POLR1B: variants seen among roughly 807,000 people sequenced by gnomAD.
The protein encoded by POLR1B is RNA polymerase I subunit B, also known as DNA-directed RNA polymerase I subunit RPA2.
POLR1B carries 30 observed loss-of-function variants against 105.8 expected under a neutral mutation model. The ratio of observed to expected loss-of-function variants is 0.28; its 90% CI spans 0.21 to 0.38. POLR1B has a LOEUF of 0.38. Ranked by LOEUF, POLR1B falls within the 10% of genes least tolerant of loss-of-function variation. The pLI is 1.00. For missense variants in POLR1B, 976 were observed against 1,435.8 expected (o/e 0.68, Z 5.17); for synonymous variants, 485 against 505.1 (o/e 0.96, Z 0.53).
At chr2:112,548,703 C>T (rs988049222) in intron 3 of POLR1B, among the ~76,000 whole-genome samples, 1 of 151,984 alleles carries the variant, frequency 6.6e-6, no homozygotes, top group Non-Finnish European at 1.5e-5. Context: ...AGCTCCGCCT[C>T]CTGGGTTCAA....
At chr2:112,574,771 A>T (rs1436941873) in intron 14 of POLR1B, 76 bp from the exon 15 acceptor site, 1 of 1,237,858 alleles carries the variant, frequency 8.1e-7, no homozygotes, top group East Asian at 2.4e-5. Context: ...TTTATGAAGC[A>T]CTAATTATAT....
At chr2:112,549,186 A>G (rs1226665038) in intron 3 of POLR1B, 81 bp from the exon 4 acceptor site, 3 of 1,478,488 alleles carry the variant, frequency 2.0e-6, no homozygotes, top group Non-Finnish European at 2.8e-6. Flanking sequence ...GTGTTGTACT[A>G]CCTTTGGCTA....
rs367763541 is a variant in POLR1B at position 112,578,947 on chromosome 2, C to G, written c.*3218C>G. Among the ~76,000 whole-genome samples the G allele has an allele frequency of 1.3e-5, 2 of 152,068 alleles. No individual in the cohort carries two copies. The highest frequency in any genetic ancestry group is 3.8e-4 in the East Asian group (2 of 5,204). On this transcript the variant is annotated 3_prime_UTR_variant, in exon 15 of 15. Transcript: ENST00000263331. The stretch of plus-strand genomic sequence containing the variant: ...AACTGGCTGGGTGCGGTGGTGCACA[C>G]CTGTAATCCCAGGACTTTGGCAGGC...
Position 112,573,547 on chromosome 2 carries a change from T to C in POLR1B, c.2272-15T>C. On this transcript the variant is annotated splice_polypyrimidine_tract_variant and intron_variant, in intron 13 of 14. Coordinates refer to ENST00000263331, the MANE Select transcript of POLR1B (RefSeq NM_019014.6). ...CAATTGGCCTCAGTCTTTTAACGATTCTTTTACTTCACAGATTGTGAATAA... is the reference window on the plus strand; with the variant it reads ...CAATTGGCCTCAGTCTTTTAACGATCCTTTTACTTCACAGATTGTGAATAA... 4.4e-6 allele frequency: 7 copies of C among 1,603,860 alleles called. No individual in the cohort carries two copies. Among genetic ancestry groups the C allele is most frequent in the Non-Finnish European group, 6.0e-6 (7 of 1,175,168 alleles).
At chr2:112,545,730 T>C in intron 1 of POLR1B, 1 of 231,016 alleles carries the variant, frequency 4.3e-6, no homozygotes, top group Non-Finnish European at 8.9e-6. Flanking sequence ...GCCTCGACCT[T>C]CCAGGATCAA....
chr2:112,560,786 G>A (rs563388897), intron 9 of POLR1B, among the ~76,000 whole-genome samples: 10 of 152,196 alleles, frequency 6.6e-5, no homozygotes, highest in Non-Finnish European at 1.5e-4. Context: ...GCCGGGCGTG[G>A]TGGCCCATGC....
chr2:112,568,983 C>A, intron 12 of POLR1B, 81 bp downstream of exon 12: 1 of 1,377,068 alleles, frequency 7.3e-7, no homozygotes, highest in Non-Finnish European at 9.8e-7. Context: ...TCCTTATTTA[C>A]ATATGCTGAC....
intron 12 of POLR1B, among the ~76,000 whole-genome samples, chr2:112,572,211 G>A (rs779945373): frequency 1.3e-4 from 20 of 152,114 alleles, no homozygotes; most frequent in African/African-American, 4.1e-4. Flanking sequence ...TGTAATTTGC[G>A]TACTTCCTTT....
chr2:112,552,583 G>C, intron 6 of POLR1B, 62 bp from the exon 7 acceptor site: 10 of 1,409,294 alleles, frequency 7.1e-6, no homozygotes, highest in Non-Finnish European at 9.5e-6. Flanking sequence ...TTGGTTAATA[G>C]AATATTAAGT....
intron 12 of POLR1B, among the ~76,000 whole-genome samples, chr2:112,570,979 C>T (rs1684559647): frequency 6.6e-6 from 1 of 152,040 alleles, no homozygotes; most frequent in South Asian, 2.1e-4. Context: ...AGGGTTTTAT[C>T]ATGTTGGCCA....
chr2:112,573,624 C>T lies in POLR1B; in HGVS notation c.2334C>T (p.Phe778=), dbSNP rs1684703617. The T allele has an allele frequency of 2.5e-6, 4 of 1,614,184 alleles. No individual in the cohort carries two copies. In the East Asian group the frequency reaches 8.9e-5, roughly 36 times the overall value. The change falls in exon 14 of 15, where the codon TTC becomes TTT. Residue 778 remains phenylalanine, a synonymous_variant. Coordinates refer to ENST00000263331, the MANE Select transcript of POLR1B (RefSeq NM_019014.6). ...ATGGAAGTGTCTACAAGTCTGAGTT[C>T]ATAGACCTCTCTGAAAAAATTAAAC... ...FAHGSVYKSE[F]IDLSEKIKQG...
At chr2:112,570,465 C>T (rs1016645275) in intron 12 of POLR1B, among the ~76,000 whole-genome samples, 12 of 152,132 alleles carry the variant, frequency 7.9e-5, no homozygotes, top group Non-Finnish European at 1.3e-4. Context: ...AGAAGTGAGT[C>T]ATATGTGATT....
chr2:112,564,591 A>T (rs1425782415), intron 10 of POLR1B, 92 bp downstream of exon 10: 2 of 1,517,692 alleles, frequency 1.3e-6, no homozygotes, highest in Non-Finnish European at 1.8e-6. Context: ...GGCGGTCTAG[A>T]GTGATCAAGT....
In POLR1B at chr2:112,575,279, A is replaced by G; in HGVS notation, c.2958A>G (p.Leu986=). The G allele has an allele frequency of 1.9e-6, 3 of 1,614,130 alleles. No homozygotes were observed. Among genetic ancestry groups the G allele is most frequent in the Non-Finnish European group, 2.5e-6 (3 of 1,180,018 alleles). The change falls in exon 15 of 15, where the codon CTA becomes CTG. Residue 986 remains leucine (L), a synonymous_variant. Coordinates refer to ENST00000263331, the MANE Select transcript of POLR1B (RefSeq NM_019014.6). This position sits in a 1 kb window ranked among gnomAD's most constrained non-coding sequence, Gnocchi z 5.3. ...TERLYSGISG[L]ELEADIFIGV... Reference sequence around the variant, plus strand: ...GGTTATATAGTGGCATCAGTGGGCTAGAACTGGAAGCAGACATCTTCATAG... The same window carrying G: ...GGTTATATAGTGGCATCAGTGGGCTGGAACTGGAAGCAGACATCTTCATAG...
At chr2:112,551,250 A>G (rs1344646910) in intron 5 of POLR1B, among the ~76,000 whole-genome samples, 1 of 152,152 alleles carries the variant, frequency 6.6e-6, no homozygotes, top group African/African-American at 2.4e-5. Flanking sequence ...GGTTGCATGG[A>G]GATGTCAGAC....
rs1682966324 is a variant in POLR1B, at chr2:112,545,095, T to C, written c.178-1917T>C. Among the ~76,000 whole-genome samples, 3 of 152,326 alleles carry C rather than the reference T, an allele frequency of 2.0e-5. No individual in the cohort carries two copies. In the South Asian group the frequency reaches 6.2e-4, roughly 32 times the overall value. On this transcript the variant is annotated intron_variant, in intron 1 of 14. Transcript: ENST00000263331. Reference sequence around the variant, plus strand: ...TATTTAGTGCCGTGTTTTGTGCTTTTTGTTGGTGATTTTGCTGTTTAAAAT... The same window carrying C: ...TATTTAGTGCCGTGTTTTGTGCTTTCTGTTGGTGATTTTGCTGTTTAAAAT...
intron 9 of POLR1B, among the ~76,000 whole-genome samples, chr2:112,560,563 A>C (rs1395229810): frequency 1.9e-4 from 29 of 152,026 alleles, no homozygotes; most frequent in Admixed American, 1.9e-3. Context: ...CCTTCTCTGC[A>C]GTCTTCTAGT....
chr2:112,555,849 T>C (rs1477273968), intron 7 of POLR1B, among the ~76,000 whole-genome samples: 1 of 152,168 alleles, frequency 6.6e-6, no homozygotes, highest in Non-Finnish European at 1.5e-5. Context: ...TACATAACCA[T>C]GACATAAGAT....
chr2:112,552,852 A>G (rs777463035), intron 7 of POLR1B, 36 bp downstream of exon 7: 1 of 1,472,416 alleles, frequency 6.8e-7, no homozygotes, highest in Non-Finnish European at 9.0e-7. Context: ...GGCCAGTGGT[A>G]CCACTTGTGG....
Sources: allele counts gnomAD v4.1 joint callset (sites outside exome capture counted in the v4.1 genomes callset), GRCh38; gene constraint gnomAD v4.1.1; non-coding constraint Gnocchi (gnomAD v3.1); transcripts MANE v1.5; gene names NCBI Gene and HGNC (gene_info 2026-07-23, HGNC 2026-07-21).